SPEF1: variants seen among roughly 807,000 people sequenced by gnomAD.
The protein encoded by SPEF1 is sperm flagellar and cilia associated 1.
Under a neutral mutation model 31.8 loss-of-function variants are expected in SPEF1, and 30 were observed. The ratio of observed to expected loss-of-function variants is 0.94; its 90% CI spans 0.70 to 1.28. The LOEUF is 1.28. SPEF1 is among the 50% of genes most tolerant of loss of function. SPEF1 has a pLI of 0.00. For missense variants in SPEF1, 298 were observed against 309.6 expected (o/e 0.96, Z 0.28); for synonymous variants, 126 against 130.1 (o/e 0.97, Z 0.21).
intron 1 of SPEF1, among the ~76,000 whole-genome samples, chr20:3,780,854 T>C (rs184857040): frequency 1.5e-4 from 23 of 151,952 alleles, no homozygotes; most frequent in African/African-American, 4.3e-4. Context: ...CCAGAAGACA[T>C]AGAACACATA....
Position 3,779,332 on chromosome 20 carries a change from T to G in SPEF1, c.242A>C (p.Asn81Thr), listed in dbSNP as rs1354757939. Residue 81 changes from asparagine (N) to threonine (T), a missense_variant, in exon 3 of 7, where the codon AAC (asparagine) becomes ACC (threonine). Coordinates refer to ENST00000379756, the MANE Select transcript of SPEF1 (RefSeq NM_015417.5). The part of the protein sequence containing the change: ...HLNRKVLKRL[N>T]FSVPDDVMRK... Reference sequence around the variant, plus strand: ...CATCACGTCATCCGGTACTGAAAAGTTCAGCCTCTTCAGTACCTTCCTGAG... The same window carrying G: ...CATCACGTCATCCGGTACTGAAAAGGTCAGCCTCTTCAGTACCTTCCTGAG... 6.3e-7 allele frequency: 1 copy of G among 1,597,776 alleles called. No individual in the cohort carries two copies. The highest frequency in any genetic ancestry group is 1.1e-5 in the South Asian group (1 of 89,188).
At chr20:3,778,906 A>G in intron 4 of SPEF1, 45 bp downstream of exon 4, 4 of 1,613,756 alleles carry the variant, frequency 2.5e-6, no homozygotes, top group Non-Finnish European at 3.4e-6. Flanking sequence ...GAAGGACAGA[A>G]GGAAAGCTCC....
At position 3,778,186 on chromosome 20, in the gene SPEF1, C is replaced by T. The variant is rs533505195; in HGVS notation, c.*26G>A. The T allele has an allele frequency of 4.1e-5, 61 of 1,481,428 alleles. No homozygotes were observed. In the Admixed American group the frequency reaches 6.7e-4, roughly 16 times the overall value. 91.8% of individuals were successfully genotyped at this position (1,481,428 alleles called of 1,614,324 possible). A position where few individuals can be genotyped will look rare whatever the true frequency, so the allele number is the denominator to read the frequency against. On this transcript the variant is annotated 3_prime_UTR_variant, in exon 7 of 7. Coordinates refer to ENST00000379756, the MANE Select transcript of SPEF1 (RefSeq NM_015417.5). ...GTCGGGGCTCTGGCGGGTACCCGGG[C>T]GTCCCCGCGCGGCCCGGGCCGCCGC...
Position 3,778,001 on chromosome 20 carries a change from C to A in SPEF1, c.*211G>T. On this transcript the variant is annotated 3_prime_UTR_variant, in exon 7 of 7. Transcript: ENST00000379756. ...CCCGGATCTCCGGAGTGGTAGGAGG[C>A]GGCTCAGTCCCGGGCCTGCGCTCCT... The A allele has an allele frequency of 3.8e-6, 2 of 530,016 alleles. No homozygotes were observed. The highest frequency in any genetic ancestry group is 5.0e-5 in the South Asian group (2 of 39,928). 32.8% of individuals were successfully genotyped at this position (530,016 alleles called of 1,614,324 possible).
chr20:3,778,501 C>G lies in SPEF1; in HGVS notation c.523G>C (p.Ala175Pro), dbSNP rs1422555525. 1.2e-6 allele frequency: 2 copies of G among 1,612,560 alleles called. No individual in the cohort carries two copies. Among genetic ancestry groups the G allele is most frequent in the African/African-American group, 1.3e-5 (1 of 75,046 alleles). Reference protein sequence around the residue: ...PAPRPPAYNRALQGDPSFVLQ... With the variant: ...PAPRPPAYNRPLQGDPSFVLQ... ...ACGAAGCTGGGGTCGCCCTGCAACG[C>G]CCGGTTATACGCTGGAGGCCGAGGC... The change falls in exon 6 of 7, where the codon GCG becomes CCG. Residue 175 changes from alanine (A) to proline (P), a missense_variant. Ala to Pro is a conservative substitution (Grantham distance 27). Coordinates refer to ENST00000379756, the MANE Select transcript of SPEF1 (RefSeq NM_015417.5).
chr20:3,779,012 G>C, intron 3 of SPEF1, 22 bp from the exon 4 acceptor site: 1 of 1,614,034 alleles, frequency 6.2e-7, no homozygotes, highest in South Asian at 1.1e-5. Context: ...CCGGGGGTCC[G>C]CTGTAAGCCC....
At chr20:3,780,590 A>G (rs2088773922) in intron 1 of SPEF1, among the ~76,000 whole-genome samples, 1 of 152,226 alleles carries the variant, frequency 6.6e-6, no homozygotes, top group South Asian at 2.1e-4. Flanking sequence ...ATAGGCACAC[A>G]TGTAGAACAC....
chr20:3,778,394 C>G lies in SPEF1; in HGVS notation c.603+27G>C, dbSNP rs776955052. ...CCGGCCTCTGCTGGCCGCGAGCCCC[C>G]ACCCGCAGCCTTCCTAGACCCCTCA... On this transcript the variant is annotated intron_variant, in intron 6 of 6. Transcript: ENST00000379756. 3.5e-5 allele frequency: 57 copies of G among 1,613,754 alleles called. No homozygotes were observed. The Middle Eastern group carries it at 4.9e-4, about 14-fold the overall frequency.
chr20:3,779,225 G>T lies in SPEF1; in HGVS notation c.349C>A (p.Arg117Ser). Residue 117 changes from arginine to serine, a missense_variant, in exon 3 of 7, where the codon CGC (arginine) becomes AGC (serine). Arg to Ser is a moderately radical substitution (Grantham distance 110). Transcript: ENST00000379756. Reference protein sequence around the residue: ...LRQRLEERQRRRKQGAGSLQE... With the variant: ...LRQRLEERQRSRKQGAGSLQE... ...AAGGAGCCGGCGCCCTGCTTCCTGC[G>T]CCTCTGCCTCTCCTCCAGGCGCTGC... 1 of 1,582,808 alleles carries T rather than the reference G, an allele frequency of 6.3e-7. No individual in the cohort carries two copies.
Position 3,781,361 on chromosome 20 carries a change from T to C in SPEF1, c.-74A>G. ...GCCTCACGACCCTTCAGGCGCTTCC[T>C]TTCTCGCCACTGCAGAAGCCCATAA... is the stretch of plus-strand genomic sequence containing the variant. On this transcript the variant is annotated 5_prime_UTR_variant, in exon 1 of 7. Transcript: ENST00000379756. 1 of 1,548,382 alleles carries C rather than the reference T, an allele frequency of 6.5e-7. No individual in the cohort carries two copies. Among genetic ancestry groups the C allele is most frequent in the Non-Finnish European group, 8.7e-7 (1 of 1,149,062 alleles).
chr20:3,780,205 G>A (rs973286746), intron 1 of SPEF1, among the ~76,000 whole-genome samples: 1 of 151,988 alleles, frequency 6.6e-6, no homozygotes, highest in Non-Finnish European at 1.5e-5. Context: ...AGGTGTGGTG[G>A]TGCATGTAAA....
intron 1 of SPEF1, 148 bp downstream of exon 1, chr20:3,781,031 G>T (rs1469701356): frequency 2.0e-6 from 2 of 990,784 alleles, no homozygotes; most frequent in African/African-American, 1.6e-5. Context: ...GATGCAAATA[G>T]AAAACAAGCA....
chr20:3,779,354 T>G lies in SPEF1; in HGVS notation c.222-2A>C, dbSNP rs200451251. Reference sequence around the variant, plus strand: ...AAGTTCAGCCTCTTCAGTACCTTCCTGAGGGGTAGACATTGGGATAGCAGA... The same window carrying G: ...AAGTTCAGCCTCTTCAGTACCTTCCGGAGGGGTAGACATTGGGATAGCAGA... On this transcript the variant is annotated splice_acceptor_variant, in intron 2 of 6. Transcript: ENST00000379756. LOFTEE classifies it high-confidence loss of function. 1 of 1,590,706 alleles carries G rather than the reference T, an allele frequency of 6.3e-7. No individual in the cohort carries two copies. Among genetic ancestry groups the G allele is most frequent in the African/African-American group, 1.3e-5 (1 of 74,628 alleles).
Position 3,779,195 on chromosome 20 carries a change from C to T in SPEF1, c.378+1G>A. ...TGGGAGAAGCTGGAGCGGGGTGGCA[C>T]CTGTAAGGAGCCGGCGCCCTGCTTC... On this transcript the variant is annotated splice_donor_variant, in intron 3 of 6. Coordinates refer to ENST00000379756, the MANE Select transcript of SPEF1 (RefSeq NM_015417.5). LOFTEE classifies it high-confidence loss of function. The T allele has an allele frequency of 1.9e-6, 3 of 1,568,674 alleles. No homozygotes were observed. The highest frequency in any genetic ancestry group is 2.6e-6 in the Non-Finnish European group (3 of 1,154,270).
intron 5 of SPEF1, 98 bp from the exon 6 acceptor site, chr20:3,778,642 C>G: frequency 6.4e-7 from 1 of 1,570,012 alleles, no homozygotes; most frequent in Non-Finnish European, 8.6e-7. Context: ...CCCTCTAGCC[C>G]CTTTCCTGCC....
rs1600361836 is a variant in SPEF1 at position 3,779,106 on chromosome 20, A to C, written c.378+90T>G. The C allele has an allele frequency of 2.7e-5, 42 of 1,564,730 alleles. 1 individual carries two copies. The South Asian group carries it at 4.2e-4, about 16-fold the overall frequency. On this transcript the variant is annotated intron_variant, in intron 3 of 6. Transcript: ENST00000379756. Reference sequence around the variant, plus strand: ...TATTAGCCAAGCACCCCTCCCCCACACTTATCACCCAGGCTGGCCTTTCTG... The same window carrying C: ...TATTAGCCAAGCACCCCTCCCCCACCCTTATCACCCAGGCTGGCCTTTCTG...
At position 3,779,198 on chromosome 20, in the gene SPEF1, G is replaced by C; in HGVS notation, c.376C>G (p.Gln126Glu). 6.4e-7 allele frequency: 1 copy of C among 1,570,114 alleles called. No homozygotes were observed. The highest frequency in any genetic ancestry group is 2.3e-5 in the East Asian group (1 of 42,860). The change falls in exon 3 of 7, where the codon CAG becomes GAG. Residue 126 changes from glutamine to glutamate, a missense_variant and splice_region_variant. Gln to Glu is a conservative substitution (Grantham distance 29). Coordinates refer to ENST00000379756, the MANE Select transcript of SPEF1 (RefSeq NM_015417.5). ...RRRKQGAGSLQELAPQDGSGY... is the reference protein window; with the variant it reads ...RRRKQGAGSLEELAPQDGSGY... ...GAGAAGCTGGAGCGGGGTGGCACCT[G>C]TAAGGAGCCGGCGCCCTGCTTCCTG...
intron 2 of SPEF1, 122 bp downstream of exon 2, chr20:3,779,542 C>T: frequency 1.1e-6 from 1 of 919,728 alleles, no homozygotes. Context: ...AGAAGAGTCT[C>T]TTGATTTTGT....
chr20:3,778,637 T>C, intron 5 of SPEF1, 93 bp from the exon 6 acceptor site: 3 of 1,568,228 alleles, frequency 1.9e-6, no homozygotes, highest in Non-Finnish European at 2.6e-6. Context: ...TCTCCCCCTC[T>C]AGCCCCTTTC....
Sources: gnomAD v4.1 joint callset for allele counts (sites outside exome capture counted in the v4.1 genomes callset) on GRCh38, gnomAD v4.1.1 for gene constraint, MANE v1.5 for transcripts, NCBI Gene and HGNC (gene_info 2026-07-23, HGNC 2026-07-21) for gene names.